ERC1: variants seen among roughly 807,000 people sequenced by gnomAD.
ERC1 encodes the protein RAB6 interacting protein 2.
In ERC1, 56 loss-of-function variants were observed where a neutral mutation model predicts 132.0. The ratio of observed to expected loss-of-function variants is 0.42; its 90% CI spans 0.34 to 0.53. The LOEUF is 0.53. Among genes scored for constraint, ERC1 ranks in the 20% least tolerant of loss-of-function variants. ERC1 has a pLI of 0.03. For missense variants in ERC1, 1,202 were observed against 1,349.9 expected, an observed-to-expected ratio of 0.89 and a Z score of 1.72; for synonymous variants, 478 against 476.1, an observed-to-expected ratio of 1.00 and a Z score of -0.05.
chr12:1,468,793 T>C (rs1031925239), intron 18 of ERC1, among the ~76,000 whole-genome samples: 2 of 152,124 alleles, frequency 1.3e-5, no homozygotes, highest in African/African-American at 4.8e-5. Context: ...TCATCTAATC[T>C]CCCCTTTATA....
chr12:1,368,876 T>C (rs1195325453), intron 15 of ERC1, among the ~76,000 whole-genome samples: 1 of 152,242 alleles, frequency 6.6e-6, no homozygotes, highest in Non-Finnish European at 1.5e-5. Context: ...TTTTATTCTC[T>C]TGACTATGAA....
At chr12:1,351,685 T>A (rs1481656787) in intron 15 of ERC1, among the ~76,000 whole-genome samples, 1 of 152,222 alleles carries the variant, frequency 6.6e-6, no homozygotes, top group East Asian at 1.9e-4. Context: ...TATTTTCAAT[T>A]TTTAATTGAT....
chr12:1,254,591 C>T (rs1327694550), intron 13 of ERC1, among the ~76,000 whole-genome samples: 3 of 152,208 alleles, frequency 2.0e-5, no homozygotes, highest in East Asian at 1.9e-4. Flanking sequence ...TGGCTCACTG[C>T]AACCACCGCC....
intron 15 of ERC1, among the ~76,000 whole-genome samples, chr12:1,346,960 A>AG (rs1555369414): frequency 1.3e-5 from 2 of 149,648 alleles, no homozygotes; most frequent in African/African-American, 4.9e-5. Context: ...AAAAAAAAAA[A>AG]AGAGAGAGAT....
At chr12:1,164,168 G>A (rs768764383) in intron 8 of ERC1, among the ~76,000 whole-genome samples, 1 of 152,124 alleles carries the variant, frequency 6.6e-6, no homozygotes, top group Non-Finnish European at 1.5e-5. Flanking sequence ...CTTGAAAGTG[G>A]CTTGGAAGTG....
At chr12:1,231,628 T>G (rs942103366) in intron 12 of ERC1, among the ~76,000 whole-genome samples, 1 of 152,204 alleles carries the variant, frequency 6.6e-6, no homozygotes, top group African/African-American at 2.4e-5. Context: ...AGCTTTTGTT[T>G]GTCTGGAAAT....
intron 18 of ERC1, among the ~76,000 whole-genome samples, chr12:1,477,118 C>T (rs1002307387): frequency 1.3e-5 from 2 of 148,930 alleles, no homozygotes; most frequent in African/African-American, 5.0e-5. Context: ...TTGTGTAGAT[C>T]CACCTTCATA....
chr12:1,342,203 G>A (rs1221910947), intron 15 of ERC1, among the ~76,000 whole-genome samples: 2 of 152,032 alleles, frequency 1.3e-5, no homozygotes, highest in African/African-American at 4.8e-5. Context: ...GGTGGCTCAC[G>A]CCTGTAATCC....
chr12:1,319,611 T>C (rs776168649), intron 15 of ERC1, among the ~76,000 whole-genome samples: 42 of 152,328 alleles, frequency 2.8e-4, no homozygotes, highest in Admixed American at 7.8e-4. Context: ...TACTAAAATA[T>C]CACTTGGATT....
intron 12 of ERC1, among the ~76,000 whole-genome samples, chr12:1,215,070 C>G (rs1345546411): frequency 1.3e-5 from 2 of 152,158 alleles, no homozygotes; most frequent in Non-Finnish European, 2.9e-5. Flanking sequence ...ATTTTCATTT[C>G]AATGACAATA....
At chr12:1,376,521 C>T (rs999051342) in intron 16 of ERC1, among the ~76,000 whole-genome samples, 2 of 152,200 alleles carry the variant, frequency 1.3e-5, no homozygotes, top group East Asian at 3.9e-4. Flanking sequence ...GCGCAGGGCA[C>T]AGGGGCTTTA....
Position 1,493,087 on chromosome 12 carries a change from G to A in ERC1, c.*2857G>A, listed in dbSNP as rs922545192. ...GAAGAGTGGGTGTGATCCCAACGGGGTTTTGTAACTGAAGAAGCCCAGTGT... is the reference window on the plus strand; with the variant it reads ...GAAGAGTGGGTGTGATCCCAACGGGATTTTGTAACTGAAGAAGCCCAGTGT... On this transcript the variant is annotated 3_prime_UTR_variant, in exon 19 of 19. Transcript: ENST00000360905. 1.4e-5 allele frequency: 3 copies of A among 220,310 alleles called. No individual in the cohort carries two copies. Among genetic ancestry groups the A allele is most frequent in the African/African-American group, 6.7e-5 (3 of 44,572 alleles). 13.6% of individuals were successfully genotyped at this position (220,310 alleles called of 1,614,324 possible).
intron 15 of ERC1, among the ~76,000 whole-genome samples, chr12:1,308,618 T>A (rs113608935): frequency 3.3e-5 from 5 of 152,296 alleles, no homozygotes; most frequent in African/African-American, 1.2e-4. Context: ...CAGTTTGTAA[T>A]CATGTCAAAA....
intron 15 of ERC1, among the ~76,000 whole-genome samples, chr12:1,302,993 A>G (rs989909781): frequency 6.6e-6 from 1 of 152,136 alleles, no homozygotes; most frequent in Non-Finnish European, 1.5e-5. Flanking sequence ...ACACTATGCT[A>G]TAGTCTGTTA....
chr12:1,187,802 C>T (rs1027677592), intron 11 of ERC1, among the ~76,000 whole-genome samples: 2 of 152,124 alleles, frequency 1.3e-5, no homozygotes, highest in Admixed American at 1.3e-4. Flanking sequence ...TAGTGGTGGA[C>T]AAGACAGACC....
chr12:1,063,397 A>T (rs1565890351), intron 2 of ERC1, among the ~76,000 whole-genome samples: 1 of 152,068 alleles, frequency 6.6e-6, no homozygotes, highest in Non-Finnish European at 1.5e-5. Context: ...GGTATCTGGG[A>T]TTACAGGCAT....
chr12:1,134,515 TA>T (rs1003842545), intron 7 of ERC1, among the ~76,000 whole-genome samples: 3 of 151,798 alleles, frequency 2.0e-5, no homozygotes, highest in Admixed American at 2.0e-4. Context: ...CTTGGCTAAT[TA>T]AAAAAAATTT....
At chr12:1,264,764 A>C (rs1046547833) in intron 14 of ERC1, among the ~76,000 whole-genome samples, 1 of 152,202 alleles carries the variant, frequency 6.6e-6, no homozygotes, top group African/African-American at 2.4e-5. Flanking sequence ...GGAGAAATAT[A>C]AATGTTAAAC....
chr12:1,470,383 G>C (rs2093834913), intron 18 of ERC1, among the ~76,000 whole-genome samples: 1 of 151,736 alleles, frequency 6.6e-6, no homozygotes, highest in South Asian at 2.1e-4. Flanking sequence ...ACAAAGCCTT[G>C]TTCTTACCAC....
Sources: allele counts gnomAD v4.1 joint callset (sites outside exome capture counted in the v4.1 genomes callset), GRCh38; gene constraint gnomAD v4.1.1; transcripts MANE v1.5; gene names NCBI Gene and HGNC (gene_info 2026-07-23, HGNC 2026-07-21).